Variants in TBL1XR1 observed in about 807,000 individuals in gnomAD.
TBL1XR1 encodes the protein TBL1X/Y related 1, also known as F-box-like/WD repeat-containing protein TBL1XR1.
In TBL1XR1, 5 loss-of-function variants were observed where a neutral mutation model predicts 66.9. The observed-to-expected ratio is 0.07, with a 90% CI of 0.04 to 0.16. TBL1XR1 has a LOEUF of 0.16. Ranked by LOEUF, TBL1XR1 falls within the 10% of genes least tolerant of loss-of-function variation. TBL1XR1 has a pLI of 1.00. For missense variants in TBL1XR1, 238 were observed against 623.2 expected (o/e 0.38, Z 6.58); for synonymous variants, 210 against 206.0 (o/e 1.02, Z -0.17).
intron 1 of TBL1XR1, among the ~76,000 whole-genome samples, chr3:177,111,771 G>C (rs1403208927): frequency 6.6e-6 from 1 of 151,970 alleles, no homozygotes; most frequent in Non-Finnish European, 1.5e-5. Context: ...TTTCACTTTA[G>C]ATTTCAGATG....
intron 1 of TBL1XR1, among the ~76,000 whole-genome samples, chr3:177,103,640 A>C (rs1392680862): frequency 6.6e-6 from 1 of 152,202 alleles, no homozygotes; most frequent in Non-Finnish European, 1.5e-5. Flanking sequence ...TAATTTATAG[A>C]TAACTTTGAA....
intron 1 of TBL1XR1, among the ~76,000 whole-genome samples, chr3:177,144,343 G>A (rs756687851): frequency 3.3e-5 from 5 of 152,116 alleles, no homozygotes; most frequent in Admixed American, 6.5e-5. Context: ...TTAAAGAATC[G>A]TTCTCCATCT....
chr3:177,159,264 G>C (rs985839769), intron 1 of TBL1XR1, among the ~76,000 whole-genome samples: 1 of 152,054 alleles, frequency 6.6e-6, no homozygotes, highest in Non-Finnish European at 1.5e-5. Flanking sequence ...GAAAGAAGTA[G>C]CTACTTGAAA....
At chr3:177,200,082 C>G (rs1737310893), upstream of TBL1XR1, among the ~76,000 whole-genome samples, 1 of 152,048 alleles carries the variant, frequency 6.6e-6, no homozygotes, top group Non-Finnish European at 1.5e-5. Context: ...AAGCGATTCT[C>G]CTGTCTCAGC....
intron 1 of TBL1XR1, among the ~76,000 whole-genome samples, chr3:177,156,128 A>C (rs1731464116): frequency 6.7e-6 from 1 of 149,694 alleles, no homozygotes; most frequent in African/African-American, 2.5e-5. Context: ...AAAAAAAAAA[A>C]CCTAGAATTC....
At chr3:177,148,972 C>G (rs888819222) in intron 1 of TBL1XR1, among the ~76,000 whole-genome samples, 2 of 151,322 alleles carry the variant, frequency 1.3e-5, no homozygotes, top group African/African-American at 4.9e-5. Context: ...CCATTGCACT[C>G]CAGCCTGGAC....
intron 2 of TBL1XR1, among the ~76,000 whole-genome samples, chr3:177,095,673 T>C (rs1723388599): frequency 6.6e-6 from 1 of 151,942 alleles, no homozygotes; most frequent in African/African-American, 2.4e-5. Flanking sequence ...AGAGATGGGG[T>C]TTCACCATGT....
intron 1 of TBL1XR1, among the ~76,000 whole-genome samples, chr3:177,172,664 A>AG (rs59396123): frequency 7.2e-4 from 73 of 101,892 alleles, no homozygotes; most frequent in African/African-American, 2.3e-3. Flanking sequence ...AGAGAGAGAG[A>AG]AGGGAGGGGA....
chr3:177,087,327 C>A (rs938679295), intron 2 of TBL1XR1, among the ~76,000 whole-genome samples: 1 of 151,884 alleles, frequency 6.6e-6, no homozygotes, highest in South Asian at 2.1e-4. Context: ...AGCCCTTAGG[C>A]TCTAAGTCAC....
chr3:177,020,236 G>A lies in TBL1XR1; in HGVS notation c.*5262C>T, dbSNP rs915371299. ...CACATTGTTTTGTGCTCAACCGTGT[G>A]GCTAACCAAACAAATGTTATCTAAG... On this transcript the variant is annotated 3_prime_UTR_variant, in exon 16 of 16. Transcript: ENST00000457928. 1.3e-5 allele frequency: 2 copies of A among 151,386 alleles called. No homozygotes were observed. Among genetic ancestry groups the A allele is most frequent in the Non-Finnish European group, 2.9e-5 (2 of 67,890 alleles). 9.4% of individuals were successfully genotyped at this position (151,386 alleles called of 1,614,324 possible).
At chr3:177,067,426 C>T (rs905563601) in intron 2 of TBL1XR1, among the ~76,000 whole-genome samples, 2 of 152,168 alleles carry the variant, frequency 1.3e-5, no homozygotes. Flanking sequence ...TTTCACAATG[C>T]TCATTCTGAT....
chr3:177,069,795 A>AG (rs1560138829), intron 2 of TBL1XR1, among the ~76,000 whole-genome samples: 3 of 70,650 alleles, frequency 4.2e-5, no homozygotes, highest in Non-Finnish European at 1.0e-4. Flanking sequence ...AAGGAAGGAA[A>AG]GGAAGGAAGG....
At chr3:177,148,434 T>A (rs116698128) in intron 1 of TBL1XR1, among the ~76,000 whole-genome samples, 1,607 of 152,214 alleles carry the variant, frequency 0.011, 4 homozygotes, top group Middle Eastern at 0.02. Flanking sequence ...AAAATAAACC[T>A]CTCAGGCACA....
chr3:177,042,726 G>A (rs1715760177), intron 10 of TBL1XR1, among the ~76,000 whole-genome samples: 1 of 152,006 alleles, frequency 6.6e-6, no homozygotes, highest in Admixed American at 6.6e-5. Context: ...TTACACATAA[G>A]AGGCTATGAA....
intron 7 of TBL1XR1, among the ~76,000 whole-genome samples, chr3:177,048,578 A>T (rs1466855554): frequency 1.3e-5 from 2 of 152,190 alleles, no homozygotes; most frequent in Non-Finnish European, 2.9e-5. Flanking sequence ...TGTTGAAGTC[A>T]ACAGTAAAAG....
Position 177,197,126 on chromosome 3 carries a change from A to G in TBL1XR1, c.-127T>C, listed in dbSNP as rs1736970411. ...GTCCGGCCCCCAGCGCTTACCTGGA[A>G]ACGGTGGCCTCCAACGCCGCTCCCC... On this transcript the variant is annotated 5_prime_UTR_variant, in exon 1 of 16. Coordinates refer to ENST00000457928, the MANE Select transcript of TBL1XR1 (RefSeq NM_024665.7). 1 of 152,240 alleles carries G rather than the reference A, an allele frequency of 6.6e-6. No homozygotes were observed. The highest frequency in any genetic ancestry group is 2.4e-5 in the African/African-American group (1 of 41,310). 9.4% of individuals were successfully genotyped at this position (152,240 alleles called of 1,614,324 possible). A position where few individuals can be genotyped will look rare whatever the true frequency, so the allele number is the denominator to read the frequency against.
At chr3:177,034,502 A>C (rs1714485432) in intron 12 of TBL1XR1, among the ~76,000 whole-genome samples, 177 bp from the exon 13 acceptor site, 1 of 144,406 alleles carries the variant, frequency 6.9e-6, no homozygotes, top group African/African-American at 2.6e-5. Flanking sequence ...TAATATTTAC[A>C]TCTCTGTTTA....
chr3:177,066,026 A>G (rs1250371020), intron 2 of TBL1XR1, among the ~76,000 whole-genome samples: 1 of 152,178 alleles, frequency 6.6e-6, no homozygotes, highest in African/African-American at 2.4e-5. Context: ...TTTGGTCCAC[A>G]GAGTGTAGTT....
chr3:177,069,023 C>T (rs1719528136), intron 2 of TBL1XR1, among the ~76,000 whole-genome samples: 1 of 152,142 alleles, frequency 6.6e-6, no homozygotes, highest in African/African-American at 2.4e-5. Flanking sequence ...GAATCCAGAG[C>T]TCGGATGTAA....
Sources: allele counts gnomAD v4.1 joint callset (sites outside exome capture counted in the v4.1 genomes callset), GRCh38; gene constraint gnomAD v4.1.1; transcripts MANE v1.5; gene names NCBI Gene and HGNC (gene_info 2026-07-23, HGNC 2026-07-21).